Variants in CDH6 observed in about 807,000 individuals in gnomAD.
CDH6 encodes the protein cadherin-6.
Under a neutral mutation model 78.0 loss-of-function variants are expected in CDH6, and 31 were observed. The observed-to-expected ratio is 0.40, with a 90% confidence interval of 0.30 to 0.54. The LOEUF (loss-of-function observed/expected upper bound fraction) is 0.54, where lower values mean the gene tolerates loss of function less well. Among genes scored for constraint, CDH6 ranks in the 20% least tolerant of loss-of-function variants. The pLI is 0.56. For synonymous variants in CDH6, 376 were observed against 368.8 expected, an observed-to-expected ratio of 1.02 and a Z score of -0.23; for missense variants, 724 against 975.9, an observed-to-expected ratio of 0.74 and a Z score of 3.44.
At chr5:31,243,782 A>T (rs1348086593) in intron 1 of CDH6, among the ~76,000 whole-genome samples, 1 of 152,156 alleles carries the variant, frequency 6.6e-6, no homozygotes, top group African/African-American at 2.4e-5. Context: ...AGTCCCTGCT[A>T]CTTTCTTTAA....
At chr5:31,297,520 A>C in intron 4 of CDH6, 112 bp downstream of exon 4, 1 of 732,824 alleles carries the variant, frequency 1.4e-6, no homozygotes, top group Non-Finnish European at 2.2e-6. Context: ...TCTTGCATAC[A>C]TCCACCAAAC....
rs1554005342 is a variant in CDH6, at chr5:31,242,704, G to GC, written c.-128-24642_-128-24641insC. On this transcript the variant is annotated intron_variant, in intron 1 of 11. Transcript: ENST00000265071. ...GGTCTTCTCTACAGAATAAGAATGG[G>GC]GGGGGGCGGTTAGAAGAAAATATAT... is the stretch of plus-strand genomic sequence containing the variant. Among the ~76,000 whole-genome samples the GC allele has an allele frequency of 8.6e-4, 129 of 150,874 alleles. 2 individuals are homozygous for GC. Among genetic ancestry groups the GC allele is most frequent in the African/African-American group, 3.0e-3 (123 of 41,136 alleles).
chr5:31,299,385 T>C, intron 4 of CDH6, 79 bp from the exon 5 acceptor site: 1 of 1,163,710 alleles, frequency 8.6e-7, no homozygotes, highest in Non-Finnish European at 1.3e-6. Context: ...GGTGACAGTT[T>C]ATGTTGTTTG....
At chr5:31,309,821 A>G (rs1738093588) in intron 7 of CDH6, among the ~76,000 whole-genome samples, 2 of 152,178 alleles carry the variant, frequency 1.3e-5, no homozygotes, top group Non-Finnish European at 2.9e-5. Flanking sequence ...GAACCATCAG[A>G]TCTCATGAGA....
At chr5:31,260,032 T>C (rs1378304749) in intron 1 of CDH6, among the ~76,000 whole-genome samples, 1 of 152,224 alleles carries the variant, frequency 6.6e-6, no homozygotes, top group South Asian at 2.1e-4. Flanking sequence ...GAGTAGCAAC[T>C]GACTTAAGTT....
chr5:31,326,954 A>G lies in CDH6; in HGVS notation c.*3646A>G, dbSNP rs566019656. The G allele has an allele frequency of 3.3e-3, 544 of 164,350 alleles. 23 individuals are homozygous for G. The highest frequency in any genetic ancestry group is 0.031 in the Admixed American group (479 of 15,552). 10.2% of individuals were successfully genotyped at this position (164,350 alleles called of 1,614,324 possible). ...CGTGGTCCGCCCGCCTCGGCCTCCCAAAGTGCTGGGATTACAGGCGTGAGC... is the reference window on the plus strand; with the variant it reads ...CGTGGTCCGCCCGCCTCGGCCTCCCGAAGTGCTGGGATTACAGGCGTGAGC... On this transcript the variant is annotated 3_prime_UTR_variant, in exon 12 of 12. Coordinates refer to ENST00000265071, the MANE Select transcript of CDH6 (RefSeq NM_004932.4).
At chr5:31,248,964 C>T (rs908390590) in intron 1 of CDH6, among the ~76,000 whole-genome samples, 2 of 152,068 alleles carry the variant, frequency 1.3e-5, no homozygotes, top group Non-Finnish European at 2.9e-5. Context: ...AATTAGTGTT[C>T]CCTTAAAATA....
chr5:31,214,326 T>C (rs1430860054), intron 1 of CDH6, among the ~76,000 whole-genome samples: 2 of 152,110 alleles, frequency 1.3e-5, no homozygotes, highest in East Asian at 1.9e-4. Flanking sequence ...ATATCATCCA[T>C]ATATTTTTAA....
intron 2 of CDH6, among the ~76,000 whole-genome samples, chr5:31,288,373 C>T (rs1407328766): frequency 1.3e-5 from 2 of 152,030 alleles, no homozygotes; most frequent in African/African-American, 4.8e-5. Flanking sequence ...TATTAAAATG[C>T]ACTTTTGATT....
chr5:31,328,771 C>T lies in CDH6; in HGVS notation c.*5463C>T, dbSNP rs1011616403. ...GGGAATGCTCACTCTTGTCGTTTTC[C>T]TCAGTATCGTTCATGTCTTTGGCAA... On this transcript the variant is annotated 3_prime_UTR_variant, in exon 12 of 12. Transcript: ENST00000265071. 1.8e-5 allele frequency: 4 copies of T among 217,690 alleles called. No homozygotes were observed. The highest frequency in any genetic ancestry group is 9.0e-5 in the African/African-American group (4 of 44,436). The allele number at this position is 217,690 out of a possible 1,614,324, so 13.5% of individuals were successfully genotyped here.
intron 1 of CDH6, among the ~76,000 whole-genome samples, chr5:31,224,429 C>A (rs1324028863): frequency 1.3e-5 from 2 of 152,186 alleles, no homozygotes; most frequent in Non-Finnish European, 2.9e-5. Flanking sequence ...TTTTTATCCC[C>A]ATTTCACAAA....
intron 1 of CDH6, among the ~76,000 whole-genome samples, chr5:31,212,124 T>G (rs1467989506): frequency 3.3e-5 from 5 of 152,224 alleles, no homozygotes; most frequent in African/African-American, 1.2e-4. Context: ...TCGTGCAGTT[T>G]CCACCAATAA....
chr5:31,286,770 G>A (rs901309418), intron 2 of CDH6, among the ~76,000 whole-genome samples: 1 of 152,156 alleles, frequency 6.6e-6, no homozygotes, highest in Non-Finnish European at 1.5e-5. Flanking sequence ...GCAAGCCTGG[G>A]TGTGTGTTTG....
intron 5 of CDH6, among the ~76,000 whole-genome samples, chr5:31,301,885 A>G (rs769012864): frequency 6.6e-6 from 1 of 152,214 alleles, no homozygotes; most frequent in African/African-American, 2.4e-5. Flanking sequence ...CAGACAAGAA[A>G]AGTGTTCTCC....
At chr5:31,216,692 A>AG (rs1383346190) in intron 1 of CDH6, among the ~76,000 whole-genome samples, 1 of 151,284 alleles carries the variant, frequency 6.6e-6, no homozygotes, top group Admixed American at 6.6e-5. Context: ...CCAAAAAAAA[A>AG]AAAAAAATGC....
intron 2 of CDH6, among the ~76,000 whole-genome samples, chr5:31,268,652 T>C (rs1445487823): frequency 6.6e-6 from 1 of 152,212 alleles, no homozygotes; most frequent in Non-Finnish European, 1.5e-5. Context: ...AAAAGATACA[T>C]GAGAAAATGC....
At chr5:31,269,286 G>GA (rs1561051077) in intron 2 of CDH6, among the ~76,000 whole-genome samples, 30 of 148,682 alleles carry the variant, frequency 2.0e-4, no homozygotes, top group Admixed American at 1.9e-3. Context: ...AAAAAAGCGG[G>GA]GGGGGCAGGT....
intron 2 of CDH6, among the ~76,000 whole-genome samples, chr5:31,287,678 A>G (rs1743046057): frequency 6.6e-6 from 1 of 152,184 alleles, no homozygotes; most frequent in Non-Finnish European, 1.5e-5. Context: ...TGTACTAGTT[A>G]AGGCAGTGGC....
intron 1 of CDH6, among the ~76,000 whole-genome samples, chr5:31,222,611 C>G (rs1027331675): frequency 2.0e-5 from 3 of 152,134 alleles, no homozygotes; most frequent in Non-Finnish European, 2.9e-5. Context: ...TTTTATCTCA[C>G]TTAATCCTCT....
Sources: gnomAD v4.1 joint callset for allele counts (sites outside exome capture counted in the v4.1 genomes callset) on GRCh38, gnomAD v4.1.1 for gene constraint, MANE v1.5 for transcripts, NCBI Gene and HGNC (gene_info 2026-07-23, HGNC 2026-07-21) for gene names.